Variants in CPA6 observed in about 807,000 individuals in gnomAD.
CPA6 encodes the protein carboxypeptidase B.
A neutral mutation model predicts 63.3 loss-of-function variants in CPA6; 58 were observed. That is an observed-to-expected ratio of 0.92 (90% CI 0.74 to 1.14). The LOEUF (loss-of-function observed/expected upper bound fraction) is 1.14. CPA6 is among the 50% of genes most tolerant of loss of function. CPA6 has a pLI of 0.00. For synonymous variants in CPA6, 185 were observed against 179.0 expected (o/e 1.03, Z -0.27); for missense variants, 565 against 526.6 (o/e 1.07, Z -0.71).
At chr8:67,720,081 A>G (rs1817464139) in intron 1 of CPA6, among the ~76,000 whole-genome samples, 1 of 151,540 alleles carries the variant, frequency 6.6e-6, no homozygotes, top group Non-Finnish European at 1.5e-5. Context: ...AAGGGAGATA[A>G]GGGTGGGGCG....
At position 67,646,938 on chromosome 8, in the gene CPA6, A is replaced by G. The variant is rs151169930; in HGVS notation, c.117-22687T>C. ...AAGTTTGGCTTTTATTCTTAGCACAATGAAAGCTCTTAGAGAGTTTAAATC... is the reference window on the plus strand; with the variant it reads ...AAGTTTGGCTTTTATTCTTAGCACAGTGAAAGCTCTTAGAGAGTTTAAATC... On this transcript the variant is annotated intron_variant, in intron 1 of 10. Coordinates refer to ENST00000297770, the MANE Select transcript of CPA6 (RefSeq NM_020361.5). Among the ~76,000 whole-genome samples the G allele has an allele frequency of 1.9e-4, 29 of 152,308 alleles. No individual in the cohort carries two copies. In the East Asian group the frequency reaches 5.6e-3, roughly 29 times the overall value.
intron 1 of CPA6, among the ~76,000 whole-genome samples, chr8:67,662,366 T>C (rs566274820): frequency 6.6e-6 from 1 of 150,828 alleles, no homozygotes; most frequent in Non-Finnish European, 1.5e-5. Context: ...TAAAGAGTGA[T>C]GTTATTCTAG....
intron 2 of CPA6, among the ~76,000 whole-genome samples, chr8:67,578,419 G>A (rs1318431275): frequency 6.6e-6 from 1 of 152,190 alleles, no homozygotes; most frequent in Non-Finnish European, 1.5e-5. Flanking sequence ...TTGATTGGCT[G>A]TTGGTGATTT....
intron 2 of CPA6, among the ~76,000 whole-genome samples, chr8:67,601,507 G>T (rs1387513294): frequency 6.6e-6 from 1 of 152,094 alleles, no homozygotes; most frequent in Non-Finnish European, 1.5e-5. Context: ...CAAAGCAATG[G>T]TCATGGCTAA....
At chr8:67,565,164 T>TAC (rs1813305911) in intron 2 of CPA6, among the ~76,000 whole-genome samples, 1 of 114,682 alleles carries the variant, frequency 8.7e-6, no homozygotes, top group Non-Finnish European at 2.2e-5. Context: ...GTTTTTCTTT[T>TAC]TCTTTCTTTT....
At chr8:67,487,018 A>G (rs111319137) in intron 6 of CPA6, among the ~76,000 whole-genome samples, 5,341 of 152,048 alleles carry the variant, frequency 0.035, 120 homozygotes, top group Non-Finnish European at 0.052. Context: ...GGCAGGAGCC[A>G]CTTGGCTAAA....
chr8:67,569,522 C>A, intron 2 of CPA6: 1 of 447,366 alleles, frequency 2.2e-6, no homozygotes, highest in South Asian at 1.8e-5. Flanking sequence ...GAATCAGTAC[C>A]AGAGCTTGAG....
chr8:67,517,528 G>C (rs1434750766), intron 3 of CPA6, among the ~76,000 whole-genome samples: 1 of 152,154 alleles, frequency 6.6e-6, no homozygotes, highest in Non-Finnish European at 1.5e-5. Context: ...TAACCACTCT[G>C]CACTTGCATG....
At chr8:67,533,552 T>G (rs1587530772) in intron 2 of CPA6, among the ~76,000 whole-genome samples, 1 of 152,236 alleles carries the variant, frequency 6.6e-6, no homozygotes, top group East Asian at 1.9e-4. Flanking sequence ...CCAGTTGCTA[T>G]AGTATCCACA....
chr8:67,650,342 C>T (rs915470553), intron 1 of CPA6, among the ~76,000 whole-genome samples: 2 of 152,046 alleles, frequency 1.3e-5, no homozygotes, highest in Admixed American at 6.6e-5. Flanking sequence ...AGTAGGTCAG[C>T]GGGGTTCGAT....
intron 1 of CPA6, among the ~76,000 whole-genome samples, chr8:67,625,933 G>A (rs1003677226): frequency 6.6e-6 from 1 of 152,136 alleles, no homozygotes; most frequent in Non-Finnish European, 1.5e-5. Flanking sequence ...TTGGTGGAAG[G>A]TGATTGGTTC....
intron 1 of CPA6, among the ~76,000 whole-genome samples, chr8:67,636,662 A>C (rs756705686): frequency 1.3e-5 from 2 of 151,494 alleles, no homozygotes; most frequent in Non-Finnish European, 2.9e-5. Context: ...CATATTCTCA[A>C]GGAAAACAGG....
At chr8:67,599,825 G>A (rs780608893) in intron 2 of CPA6, among the ~76,000 whole-genome samples, 5 of 152,152 alleles carry the variant, frequency 3.3e-5, no homozygotes, top group Admixed American at 6.5e-5. Flanking sequence ...CTCAGCTAGA[G>A]GGAAGTGCCT....
At chr8:67,473,540 CTG>C (rs1465627039) in intron 8 of CPA6, among the ~76,000 whole-genome samples, 44 of 152,340 alleles carry the variant, frequency 2.9e-4, no homozygotes, top group Non-Finnish European at 1.0e-4. Flanking sequence ...ATAAAAGACT[CTG>C]TACTGGTCAG....
rs1183831592 is a variant in CPA6, at chr8:67,422,652, T to G, written c.1166A>C (p.Asn389Thr). 6.2e-7 allele frequency: 1 copy of G among 1,613,930 alleles called. No individual in the cohort carries two copies. The highest frequency in any genetic ancestry group is 8.5e-7 in the Non-Finnish European group (1 of 1,179,966). Residue 389 changes from asparagine (N) to threonine (T), a missense_variant, in exon 11 of 11, where the codon AAT becomes ACT. By Grantham distance (65) the Asn-to-Thr change is moderately conservative (BLOSUM62 0). Coordinates refer to ENST00000297770, the MANE Select transcript of CPA6 (RefSeq NM_020361.5). ...SGSSMDWAYK[N>T]GIPYAFAFEL... is the part of the protein sequence containing the mutation. ...GAAAGCAAATGCATAAGGTATTCCA[T>G]TTTTGTAGGCCCAATCCATTGAGCT...
intron 2 of CPA6, among the ~76,000 whole-genome samples, chr8:67,528,066 A>C (rs927277812): frequency 2.6e-5 from 4 of 152,194 alleles, no homozygotes; most frequent in African/African-American, 9.7e-5. Flanking sequence ...TGTTTACCGA[A>C]AGCCTGCAGA....
chr8:67,490,396 T>C (rs1383586691), intron 6 of CPA6, among the ~76,000 whole-genome samples: 2 of 152,172 alleles, frequency 1.3e-5, no homozygotes, highest in Non-Finnish European at 2.9e-5. Context: ...TTTATTACTA[T>C]TGTTGCTTAT....
chr8:67,730,479 A>C (rs1284286366), intron 1 of CPA6, among the ~76,000 whole-genome samples: 1 of 152,138 alleles, frequency 6.6e-6, no homozygotes, highest in Non-Finnish European at 1.5e-5. Context: ...GAGGGTTATG[A>C]GGGCACAATT....
At chr8:67,713,011 T>C (rs1159073457) in intron 1 of CPA6, among the ~76,000 whole-genome samples, 1 of 149,880 alleles carries the variant, frequency 6.7e-6, no homozygotes, top group East Asian at 1.9e-4. Flanking sequence ...ATTCTATTTA[T>C]TATTAGTTAT....
Sources: gnomAD v4.1 joint callset for allele counts (sites outside exome capture counted in the v4.1 genomes callset) on GRCh38, gnomAD v4.1.1 for gene constraint, MANE v1.5 for transcripts, NCBI Gene and HGNC (gene_info 2026-07-23, HGNC 2026-07-21) for gene names.